Variants in ARSG observed in about 807,000 individuals in gnomAD.
ARSG encodes the protein arylsulfatase G.
In ARSG, 37 loss-of-function variants were observed where a neutral mutation model predicts 50.5. The observed-to-expected ratio is 0.73, with a 90% CI of 0.56 to 0.96. ARSG has a LOEUF of 0.96. Ranked by LOEUF, ARSG falls within the 50% of genes least tolerant of loss-of-function variation. ARSG has a pLI of 0.00. For missense variants in ARSG, 629 were observed against 675.3 expected (o/e 0.93, Z 0.76); for synonymous variants, 225 against 254.6 (o/e 0.88, Z 1.11).
the ARSG span, among the ~76,000 whole-genome samples, chr17:68,443,661 T>C: frequency 6.6e-6 from 1 of 152,206 alleles, no homozygotes; most frequent in Non-Finnish European, 1.5e-5. Flanking sequence ...GGCACCCAGA[T>C]AGATCTTGAA....
chr17:68,326,790 C>T lies in ARSG; in HGVS notation c.219-16814C>T, dbSNP rs1403637580. ...GTCCAGATCACTGAGGTGGCAAGTTCCCACCTTTCCCGTGTTGTGTCACAC... is the reference window on the plus strand; with the variant it reads ...GTCCAGATCACTGAGGTGGCAAGTTTCCACCTTTCCCGTGTTGTGTCACAC... On this transcript the variant is annotated intron_variant, in intron 2 of 11. Coordinates refer to ENST00000621439, the MANE Select transcript of ARSG (RefSeq NM_001267727.2). Among the ~76,000 whole-genome samples the T allele has an allele frequency of 2.6e-5, 4 of 152,244 alleles. No individual in the cohort carries two copies. In the East Asian group the frequency reaches 7.7e-4, roughly 29 times the overall value.
the ARSG span, among the ~76,000 whole-genome samples, chr17:68,439,573 A>G: frequency 6.6e-6 from 1 of 152,238 alleles, no homozygotes; most frequent in African/African-American, 2.4e-5. Flanking sequence ...TTCCGTGAAT[A>G]TACCAAAAGC....
intron 8 of ARSG, among the ~76,000 whole-genome samples, chr17:68,377,028 T>C (rs1288848441): frequency 2.6e-5 from 4 of 152,228 alleles, no homozygotes; most frequent in African/African-American, 9.6e-5. Flanking sequence ...CCCGCCACCA[T>C]GTCTGGTATT....
chr17:68,449,143 C>T, the ARSG span, among the ~76,000 whole-genome samples: 2 of 152,222 alleles, frequency 1.3e-5, no homozygotes, highest in Non-Finnish European at 2.9e-5. Context: ...ACATTGTCCT[C>T]AATGAATGCA....
chr17:68,434,580 T>C, the ARSG span: 1,022 of 1,613,918 alleles, frequency 6.3e-4, 4 homozygotes, highest in African/African-American at 0.012. Context: ...CCGGAACTCA[T>C]AGAGCTTTTG....
chr17:68,326,802 G>A (rs990277838), intron 2 of ARSG, among the ~76,000 whole-genome samples: 10 of 152,178 alleles, frequency 6.6e-5, no homozygotes, highest in Admixed American at 3.3e-4. Context: ...CACCTTTCCC[G>A]TGTTGTGTCA....
At chr17:68,426,312 T>C (rs1047598920), downstream of ARSG, 13 of 697,328 alleles carry the variant, frequency 1.9e-5, no homozygotes, top group Admixed American at 7.1e-5. Context: ...GGAGGTACTG[T>C]GCCTAGGACA....
chr17:68,351,552 C>G (rs896327873), intron 4 of ARSG, 23 bp from the exon 5 acceptor site: 3 of 1,425,344 alleles, frequency 2.1e-6, no homozygotes, highest in Non-Finnish European at 3.0e-6. Context: ...CGTGGGGGTG[C>G]TAACCGGTTG....
At position 68,378,011 on chromosome 17, in the gene ARSG, C is replaced by T. The variant is rs1325380527; in HGVS notation, c.983-7053C>T. On this transcript the variant is annotated intron_variant, in intron 8 of 11. Coordinates refer to ENST00000621439, the MANE Select transcript of ARSG (RefSeq NM_001267727.2). This position sits in a 1 kb window ranked among gnomAD's most constrained non-coding sequence, Gnocchi z 4.4. ...ACTTCTTCTTCCTCAGTCTCCAAAG[C>T]GGCTTCCTGTCAACTAACTATTCCA... Among the ~76,000 whole-genome samples, 2 of 152,198 alleles carry T rather than the reference C, an allele frequency of 1.3e-5. No homozygotes were observed. The highest frequency in any genetic ancestry group is 1.9e-4 in the East Asian group (1 of 5,184).
At chr17:68,383,004 T>C (rs2080511592) in intron 8 of ARSG, among the ~76,000 whole-genome samples, 1 of 152,212 alleles carries the variant, frequency 6.6e-6, no homozygotes, top group Non-Finnish European at 1.5e-5. Flanking sequence ...CCTGAATCTT[T>C]TGCAAGGAGA....
At chr17:68,319,821 A>G (rs1402824733) in intron 2 of ARSG, among the ~76,000 whole-genome samples, 1 of 152,170 alleles carries the variant, frequency 6.6e-6, no homozygotes, top group Non-Finnish European at 1.5e-5. Flanking sequence ...CTCCTGCCAT[A>G]TCTCCTACTC....
At chr17:68,427,800 C>T in the ARSG span, among the ~76,000 whole-genome samples, 2 of 152,212 alleles carry the variant, frequency 1.3e-5, no homozygotes, top group South Asian at 2.1e-4. Context: ...GAGCAGCCAT[C>T]GGTGGGGGGC....
At position 68,319,033 on chromosome 17, in the gene ARSG, G is replaced by A. The variant is rs117391335; in HGVS notation, c.218+11322G>A. Among the ~76,000 whole-genome samples, 92 of 152,274 alleles carry A rather than the reference G, an allele frequency of 6.0e-4. 1 individual carries two copies. In the East Asian group the frequency reaches 0.016, roughly 27 times the overall value. On this transcript the variant is annotated intron_variant, in intron 2 of 11. Coordinates refer to ENST00000621439, the MANE Select transcript of ARSG (RefSeq NM_001267727.2). Reference sequence around the variant, plus strand: ...TTGGCAGTAACCTAATGGAAGATGCGAACCAGGTTGGCAGTCACACTGCAG... The same window carrying A: ...TTGGCAGTAACCTAATGGAAGATGCAAACCAGGTTGGCAGTCACACTGCAG...
intron 1 of ARSG, among the ~76,000 whole-genome samples, chr17:68,262,413 G>A (rs555422333): frequency 6.6e-6 from 1 of 152,296 alleles, no homozygotes; most frequent in Non-Finnish European, 1.5e-5. Flanking sequence ...GGAGGTTGCA[G>A]TGAGCCAAGA....
At chr17:68,416,450 G>A (rs761823849) in intron 11 of ARSG, among the ~76,000 whole-genome samples, 4 of 152,032 alleles carry the variant, frequency 2.6e-5, no homozygotes, top group Non-Finnish European at 5.9e-5. Context: ...AGGTTACCTG[G>A]TGATGTTTTT....
chr17:68,356,646 T>C (rs1350318589), intron 5 of ARSG, 21 bp from the exon 6 acceptor site: 1 of 1,613,964 alleles, frequency 6.2e-7, no homozygotes, highest in African/African-American at 1.3e-5. Context: ...GAATACTCTA[T>C]GGTCTGTGGT....
chr17:68,296,507 A>T (rs1200390775), intron 1 of ARSG, among the ~76,000 whole-genome samples: 1 of 152,124 alleles, frequency 6.6e-6, no homozygotes, highest in African/African-American at 2.4e-5. Context: ...AACTACAAGG[A>T]TGCTGCAGGA....
chr17:68,343,269 GTC>G (rs754857676), intron 2 of ARSG, among the ~76,000 whole-genome samples: 8 of 152,148 alleles, frequency 5.3e-5, no homozygotes, highest in Non-Finnish European at 7.3e-5. Context: ...CAATTCTCCT[GTC>G]TCAGCCTCCT....
chr17:68,394,339 T>C (rs1421479639), intron 9 of ARSG, among the ~76,000 whole-genome samples: 1 of 152,096 alleles, frequency 6.6e-6, no homozygotes, highest in African/African-American at 2.4e-5. Context: ...CAGTGGCTCA[T>C]GTCTGCAATC....
Sources: allele counts gnomAD v4.1 joint callset (sites outside exome capture counted in the v4.1 genomes callset), GRCh38; gene constraint gnomAD v4.1.1; non-coding constraint Gnocchi (gnomAD v3.1); transcripts MANE v1.5; gene names NCBI Gene and HGNC (gene_info 2026-07-23, HGNC 2026-07-21).